The following SLC4A10 variants were observed in gnomAD, a reference collection of about 807,000 sequenced individuals.
SLC4A10 encodes the protein sodium-driven chloride bicarbonate exchanger.
In SLC4A10, 42 loss-of-function variants were observed where a neutral mutation model predicts 137.7. That is an observed-to-expected ratio of 0.30 (90% CI 0.24 to 0.39). SLC4A10 has a LOEUF of 0.39. Ranked by LOEUF, SLC4A10 falls within the 10% of genes least tolerant of loss-of-function variation. SLC4A10 has a pLI of 1.00. For synonymous variants in SLC4A10, 474 were observed against 464.1 expected, an observed-to-expected ratio of 1.02 and a Z score of -0.27; for missense variants, 925 against 1,355.0, an observed-to-expected ratio of 0.68 and a Z score of 4.98.
chr2:161,684,910 T>C (rs771500997), intron 1 of SLC4A10, among the ~76,000 whole-genome samples: 3 of 152,164 alleles, frequency 2.0e-5, no homozygotes, highest in Non-Finnish European at 4.4e-5. Context: ...TCTTCCTATG[T>C]TGCTGATTCT....
intron 1 of SLC4A10, among the ~76,000 whole-genome samples, chr2:161,737,325 G>C (rs1053132779): frequency 6.6e-6 from 1 of 152,010 alleles, no homozygotes; most frequent in Non-Finnish European, 1.5e-5. Flanking sequence ...ACCCATCAGG[G>C]AATAGGGTAA....
intron 1 of SLC4A10, among the ~76,000 whole-genome samples, chr2:161,665,972 A>G (rs2038994746): frequency 6.7e-6 from 1 of 148,920 alleles, no homozygotes; most frequent in African/African-American, 2.4e-5. Flanking sequence ...CTATATTAAT[A>G]TAGTCTTTGA....
intron 22 of SLC4A10, 53 bp from the exon 23 acceptor site, chr2:161,964,998 A>G: frequency 6.5e-7 from 1 of 1,535,826 alleles, no homozygotes; most frequent in Non-Finnish European, 8.9e-7. Flanking sequence ...GCAAATCTAC[A>G]CCTCTCGTTT....
intron 15 of SLC4A10, among the ~76,000 whole-genome samples, chr2:161,915,093 C>T (rs1686821007): frequency 6.6e-6 from 1 of 152,182 alleles, no homozygotes; most frequent in South Asian, 2.1e-4. Context: ...CCTATAAAGA[C>T]CCCAGACTCA....
intron 6 of SLC4A10, among the ~76,000 whole-genome samples, chr2:161,863,419 C>T (rs772598693): frequency 1.2e-4 from 18 of 152,132 alleles, no homozygotes; most frequent in South Asian, 6.2e-4. Context: ...CTTTGACTTA[C>T]GCCATAGATG....
At chr2:161,864,028 C>G (rs970472654) in intron 6 of SLC4A10, among the ~76,000 whole-genome samples, 7 of 151,940 alleles carry the variant, frequency 4.6e-5, no homozygotes, top group Non-Finnish European at 8.8e-5. Context: ...GGTGAAACCC[C>G]GTCTCTACTA....
chr2:161,746,916 G>A (rs908567708), intron 1 of SLC4A10, among the ~76,000 whole-genome samples: 6 of 152,072 alleles, frequency 3.9e-5, no homozygotes, highest in Admixed American at 6.6e-5. Context: ...CAGGACTCTG[G>A]TTAGTGTTTT....
chr2:161,767,911 CCCTTCCAAT>C (rs1296509697), intron 1 of SLC4A10, among the ~76,000 whole-genome samples: 2 of 151,958 alleles, frequency 1.3e-5, no homozygotes, highest in Non-Finnish European at 2.9e-5. Context: ...TACATAACAA[CCCTTCCAAT>C]CTTCCCCCAA....
At chr2:161,661,506 A>G (rs979228010) in intron 1 of SLC4A10, among the ~76,000 whole-genome samples, 5 of 152,278 alleles carry the variant, frequency 3.3e-5, no homozygotes, top group Non-Finnish European at 7.3e-5. Context: ...GTTTAATGAC[A>G]GTATTGAAAC....
chr2:161,687,738 C>A (rs939947595), intron 1 of SLC4A10, among the ~76,000 whole-genome samples: 1 of 152,110 alleles, frequency 6.6e-6, no homozygotes, highest in African/African-American at 2.4e-5. Context: ...GCAATTTCCC[C>A]CATGCTGCTC....
intron 3 of SLC4A10, among the ~76,000 whole-genome samples, chr2:161,836,654 G>GAA (rs34914585): frequency 8.0e-6 from 1 of 125,716 alleles, no homozygotes; most frequent in Non-Finnish European, 1.7e-5. Context: ...AAAATTTCTG[G>GAA]AAAAAAAAAA....
intron 7 of SLC4A10, 57 bp from the exon 8 acceptor site, chr2:161,873,859 G>C (rs557361715): frequency 4.4e-5 from 67 of 1,521,806 alleles, no homozygotes; most frequent in Non-Finnish European, 5.8e-5. Context: ...CTGGTGCCTG[G>C]CGGAGTCTCC....
At chr2:161,945,584 CTG>C (rs915054860) in intron 16 of SLC4A10, among the ~76,000 whole-genome samples, 5 of 151,214 alleles carry the variant, frequency 3.3e-5, no homozygotes, top group Non-Finnish European at 7.4e-5. Context: ...AGGACTTACT[CTG>C]TGTGTATGTG....
intron 15 of SLC4A10, among the ~76,000 whole-genome samples, chr2:161,929,707 A>C (rs1254059510): frequency 6.6e-6 from 1 of 152,154 alleles, no homozygotes; most frequent in African/African-American, 2.4e-5. Flanking sequence ...TACTGTGCTC[A>C]GTTCAGTTTA....
chr2:161,639,077 C>G (rs953779920), intron 1 of SLC4A10, among the ~76,000 whole-genome samples: 6 of 152,010 alleles, frequency 3.9e-5, no homozygotes, highest in African/African-American at 1.4e-4. Flanking sequence ...AAGACTGAAT[C>G]ATGAAGAAGT....
chr2:161,936,808 A>G (rs957074412), intron 15 of SLC4A10, among the ~76,000 whole-genome samples: 4 of 152,028 alleles, frequency 2.6e-5, no homozygotes, highest in Non-Finnish European at 5.9e-5. Context: ...GAGCAGTTCT[A>G]TTGTTTTTCT....
chr2:161,950,085 G>A (rs1694527185), intron 18 of SLC4A10, among the ~76,000 whole-genome samples: 1 of 151,902 alleles, frequency 6.6e-6, no homozygotes, highest in African/African-American at 2.4e-5. Context: ...ATCCTTCCCT[G>A]AGCCTCTGCT....
intron 1 of SLC4A10, among the ~76,000 whole-genome samples, chr2:161,632,597 AATTTGGT>A (rs1244392641): frequency 6.6e-6 from 1 of 151,558 alleles, no homozygotes; most frequent in Non-Finnish European, 1.5e-5. Flanking sequence ...TAAATATAAA[AATTTGGT>A]ATTTTTTTCC....
At chr2:161,695,766 A>T (rs1574404282) in intron 1 of SLC4A10, among the ~76,000 whole-genome samples, 1 of 152,174 alleles carries the variant, frequency 6.6e-6, no homozygotes, top group African/African-American at 2.4e-5. Context: ...TCACTCTTTC[A>T]TTAAACTTAA....
Sources: gnomAD v4.1 joint callset for allele counts (sites outside exome capture counted in the v4.1 genomes callset) on GRCh38, gnomAD v4.1.1 for gene constraint, MANE v1.5 for transcripts, NCBI Gene and HGNC (gene_info 2026-07-23, HGNC 2026-07-21) for gene names.